KLHDC10: variants seen among roughly 807,000 people sequenced by gnomAD.
KLHDC10 encodes the protein kelch domain containing 10.
Under a neutral mutation model 56.1 loss-of-function variants are expected in KLHDC10, and 24 were observed. The observed-to-expected ratio is 0.43, with a 90% CI of 0.31 to 0.60. The LOEUF is 0.60. Among genes scored for constraint, KLHDC10 ranks in the 20% least tolerant of loss-of-function variants. The probability of loss-of-function intolerance (pLI) is 0.11; values close to 1 mark genes in which losing one functional copy is unlikely to be tolerated. For synonymous variants in KLHDC10, 188 were observed against 207.1 expected (o/e 0.91, Z 0.79); for missense variants, 349 against 567.0 (o/e 0.62, Z 3.91).
At chr7:130,089,755 C>T (rs1795744577) in intron 1 of KLHDC10, among the ~76,000 whole-genome samples, 2 of 152,158 alleles carry the variant, frequency 1.3e-5, no homozygotes, top group African/African-American at 2.4e-5. Flanking sequence ...ATTCCAAATA[C>T]AGTATTAATT....
chr7:130,108,372 C>T (rs1441094473), intron 2 of KLHDC10, among the ~76,000 whole-genome samples: 1 of 151,956 alleles, frequency 6.6e-6, no homozygotes. Context: ...ATAGAACTTC[C>T]GGTTTAATTG....
intron 1 of KLHDC10, among the ~76,000 whole-genome samples, chr7:130,094,044 C>T (rs1795816215): frequency 6.6e-6 from 1 of 152,106 alleles, no homozygotes; most frequent in Non-Finnish European, 1.5e-5. Flanking sequence ...CTGTCTCAGC[C>T]TCCTGAGTAG....
In KLHDC10 at chr7:130,116,679, A is replaced by G. The variant is rs1197804940; in HGVS notation, c.475+13A>G. 1 of 1,596,576 alleles carries G rather than the reference A, an allele frequency of 6.3e-7. No individual in the cohort carries two copies. Among genetic ancestry groups the G allele is most frequent in the Admixed American group, 1.7e-5 (1 of 60,004 alleles). On this transcript the variant is annotated intron_variant, in intron 3 of 9. Transcript: ENST00000335420. This position sits in a 1 kb window ranked among gnomAD's most constrained non-coding sequence, Gnocchi z 4.8. ...GCATCTATGTCACGTGAGTGCAAGC[A>G]GTTCGTAACTCCTGACTTTATGAAA...
At chr7:130,107,618 C>T (rs1296836671) in intron 2 of KLHDC10, among the ~76,000 whole-genome samples, 1 of 151,556 alleles carries the variant, frequency 6.6e-6, no homozygotes, top group South Asian at 2.1e-4. Flanking sequence ...CCGAGGTGGG[C>T]GGTTCACGTG....
At chr7:130,103,576 A>G (rs541717349) in intron 2 of KLHDC10, among the ~76,000 whole-genome samples, 6 of 152,320 alleles carry the variant, frequency 3.9e-5, no homozygotes, top group African/African-American at 1.2e-4. Flanking sequence ...AACAAGTTAC[A>G]TAGACTCAAA....
chr7:130,083,892 C>G (rs1484141811), intron 1 of KLHDC10, among the ~76,000 whole-genome samples: 1 of 152,138 alleles, frequency 6.6e-6, no homozygotes. Flanking sequence ...TCTTATGTGT[C>G]TGGCCTCATC....
rs567665264 is a variant in KLHDC10 at position 130,108,291 on chromosome 7, A to T, written c.254-8154A>T. Among the ~76,000 whole-genome samples the T allele has an allele frequency of 8.2e-4, 124 of 152,126 alleles. 1 individual carries two copies. Among genetic ancestry groups the T allele is most frequent in the Non-Finnish European group, 8.7e-4 (59 of 67,980 alleles). Reference sequence around the variant, plus strand: ...AAAAGACAAGAATAAATGGCTAGGGATTATGTTCCTTAATGGGTTATCCCA... The same window carrying T: ...AAAAGACAAGAATAAATGGCTAGGGTTTATGTTCCTTAATGGGTTATCCCA... On this transcript the variant is annotated intron_variant, in intron 2 of 9. Transcript: ENST00000335420.
intron 2 of KLHDC10, among the ~76,000 whole-genome samples, chr7:130,103,705 A>G (rs563774200): frequency 6.2e-4 from 94 of 152,256 alleles, no homozygotes; most frequent in African/African-American, 2.0e-3. Context: ...CGGCCTCACT[A>G]ATGTTTAAGT....
At chr7:130,086,305 C>G (rs1230540810) in intron 1 of KLHDC10, among the ~76,000 whole-genome samples, 1 of 152,154 alleles carries the variant, frequency 6.6e-6, no homozygotes, top group Non-Finnish European at 1.5e-5. Context: ...AAAGGTTACG[C>G]TTACTTAAAA....
chr7:130,082,855 G>T (rs1401613623), intron 1 of KLHDC10, among the ~76,000 whole-genome samples: 1 of 152,104 alleles, frequency 6.6e-6, no homozygotes, highest in Non-Finnish European at 1.5e-5. Context: ...TGTCTCCTAT[G>T]CTAGACCCTA....
At chr7:130,126,211 C>T (rs1051768731) in intron 7 of KLHDC10, among the ~76,000 whole-genome samples, 2 of 151,938 alleles carry the variant, frequency 1.3e-5, no homozygotes, top group African/African-American at 4.8e-5. Context: ...CCAGCTACTC[C>T]GGAGGCTGAG....
rs1239873837 is a variant in KLHDC10, at chr7:130,134,934, G to A, written c.*4188G>A. ...GAGTTCTAGGACTTCCGTGTGCGTT[G>A]CCACCAGATCCTGCCCAGCAATGGC... On this transcript the variant is annotated 3_prime_UTR_variant, in exon 10 of 10. Transcript: ENST00000335420. 5 of 152,018 alleles carry A rather than the reference G, an allele frequency of 3.3e-5. No homozygotes were observed. Among genetic ancestry groups the A allele is most frequent in the Non-Finnish European group, 7.4e-5 (5 of 67,996 alleles). The allele number at this position is 152,018 out of a possible 1,614,324, so 9.4% of individuals were successfully genotyped here. A position where few individuals can be genotyped will look rare whatever the true frequency, so the allele number is the denominator to read the frequency against.
chr7:130,114,548 T>A (rs1584634919), intron 2 of KLHDC10, among the ~76,000 whole-genome samples: 1 of 152,184 alleles, frequency 6.6e-6, no homozygotes, highest in African/African-American at 2.4e-5. Flanking sequence ...CTTAGACATT[T>A]ATAGGAGCTC....
chr7:130,130,967 A>C lies in KLHDC10; in HGVS notation c.*221A>C. On this transcript the variant is annotated 3_prime_UTR_variant, in exon 10 of 10. Coordinates refer to ENST00000335420, the MANE Select transcript of KLHDC10 (RefSeq NM_014997.4). The surrounding 1 kb of genome is among the most constrained non-coding windows in gnomAD (Gnocchi z 4.2). Reference sequence around the variant, plus strand: ...GCTTCTGTTCCTCCTGACCCATTACATGCACATGTACTCACATACTCCCTC... The same window carrying C: ...GCTTCTGTTCCTCCTGACCCATTACCTGCACATGTACTCACATACTCCCTC... 1 of 530,938 alleles carries C rather than the reference A, an allele frequency of 1.9e-6. No individual in the cohort carries two copies. 32.9% of individuals were successfully genotyped at this position (530,938 alleles called of 1,614,324 possible).
intron 3 of KLHDC10, among the ~76,000 whole-genome samples, chr7:130,118,128 C>T (rs957012871): frequency 6.6e-6 from 1 of 151,972 alleles, no homozygotes; most frequent in Non-Finnish European, 1.5e-5. Context: ...AAGCCAAGAT[C>T]GCCCCACTGC....
rs1193923791 is a variant in KLHDC10 at position 130,132,813 on chromosome 7, C to G, written c.*2067C>G. 4 of 152,310 alleles carry G rather than the reference C, an allele frequency of 2.6e-5. No homozygotes were observed. The highest frequency in any genetic ancestry group is 5.9e-5 in the Non-Finnish European group (4 of 68,036). 9.4% of individuals were successfully genotyped at this position (152,310 alleles called of 1,614,324 possible). A position where few individuals can be genotyped will look rare whatever the true frequency, so the allele number is the denominator to read the frequency against. On this transcript the variant is annotated 3_prime_UTR_variant, in exon 10 of 10. Transcript: ENST00000335420. ...TCTAAATTGAACAAGCCAGGCTGTC[C>G]AGGGTGGCAAGAGGATTTTTGACCT...
chr7:130,134,497 T>C lies in KLHDC10; in HGVS notation c.*3751T>C, dbSNP rs1186332960. The C allele has an allele frequency of 1.3e-5, 2 of 152,230 alleles. No individual in the cohort carries two copies. The highest frequency in any genetic ancestry group is 2.9e-5 in the Non-Finnish European group (2 of 68,032). The allele number at this position is 152,230 out of a possible 1,614,324, so 9.4% of individuals were successfully genotyped here. ...CATTATTTGAACACATTTCTTTGGC[T>C]CTTGACAAATACTTGCTTTTCCTCT... is the stretch of plus-strand genomic sequence containing the variant. On this transcript the variant is annotated 3_prime_UTR_variant, in exon 10 of 10. Coordinates refer to ENST00000335420, the MANE Select transcript of KLHDC10 (RefSeq NM_014997.4).
intron 1 of KLHDC10, among the ~76,000 whole-genome samples, chr7:130,078,558 A>G (rs1795549800): frequency 6.6e-6 from 1 of 151,244 alleles, no homozygotes; most frequent in Admixed American, 6.6e-5. Context: ...TCGCTCTGTC[A>G]CCCAGGCTGG....
rs117633005 is a variant in KLHDC10, at chr7:130,088,606, C to T, written c.167-8315C>T. Among the ~76,000 whole-genome samples the T allele has an allele frequency of 9.4e-3, 1,421 of 150,650 alleles. 9 individuals carry two copies. The highest frequency in any genetic ancestry group is 0.017 in the Middle Eastern group (5 of 294). The stretch of plus-strand genomic sequence containing the variant: ...TTCACTTTCAAAATTGATCACTTTT[C>T]TAGTTTGGTTTTTTGTTTTTCTTTT... On this transcript the variant is annotated intron_variant, in intron 1 of 9. Transcript: ENST00000335420.
Sources: allele counts gnomAD v4.1 joint callset (sites outside exome capture counted in the v4.1 genomes callset), GRCh38; gene constraint gnomAD v4.1.1; non-coding constraint Gnocchi (gnomAD v3.1); transcripts MANE v1.5; gene names NCBI Gene and HGNC (gene_info 2026-07-23, HGNC 2026-07-21).